The following DIAPH1 variants were observed in gnomAD, a reference collection of about 807,000 sequenced individuals.
DIAPH1 encodes diaphanous related formin 1.
In DIAPH1, 46 loss-of-function variants were observed where a neutral mutation model predicts 140.7. The ratio of observed to expected loss-of-function variants is 0.33; its 90% CI spans 0.26 to 0.42. DIAPH1 has a LOEUF of 0.42. Ranked by LOEUF, DIAPH1 falls within the 10% of genes least tolerant of loss-of-function variation. DIAPH1 has a pLI of 1.00. For synonymous variants in DIAPH1, 565 were observed against 551.6 expected (o/e 1.02, Z -0.34); for missense variants, 1,310 against 1,558.7 (o/e 0.84, Z 2.69).
chr5:141,587,054 A>G lies in DIAPH1; in HGVS notation c.288T>C (p.Phe96=), dbSNP rs754001623. 6.2e-7 allele frequency: 1 copy of G among 1,614,180 alleles called. No homozygotes were observed. The highest frequency in any genetic ancestry group is 2.2e-5 in the East Asian group (1 of 44,880). The change falls in exon 3 of 28, where the codon TTT becomes TTC. Residue 96 remains phenylalanine, a synonymous_variant. Coordinates refer to ENST00000389054, the MANE Select transcript of DIAPH1 (RefSeq NM_005219.5). ...DVSDEQVLVL[F]EQMLLDMNLN... ...ATGGGAAACTTACCAGCATCTGTTC[A>G]AAGAGAACCAGCACTTGTTCATCTG... is the stretch of plus-strand genomic sequence containing the variant.
intron 18 of DIAPH1, among the ~76,000 whole-genome samples, chr5:141,547,724 A>C (rs1225994799): frequency 6.6e-6 from 1 of 152,208 alleles, no homozygotes; most frequent in Admixed American, 6.5e-5. Context: ...GCCCAGAAAG[A>C]GAAGAAAAAT....
chr5:141,574,009 G>C lies in DIAPH1; in HGVS notation c.1841C>G (p.Pro614Arg). ...AGGCAAAGGAGGTGGAGGAGGAGGA[G>C]GAGGAGGAGGAGGAGGAGGAGTGGT... ...DSTTPPPPPP[P>R]PPPPPPLPGG... is the part of the protein sequence containing the mutation. The change falls in exon 16 of 28, where the codon CCT becomes CGT. Residue 614 changes from proline (P) to arginine (R), a missense_variant. Around this residue, in one of 3 missense-constraint regions of DIAPH1, gnomAD observed 589 missense variants for 549.3 expected, o/e 1.07. Transcript: ENST00000389054. 1 of 1,555,024 alleles carries C rather than the reference G, an allele frequency of 6.4e-7. No homozygotes were observed. Among genetic ancestry groups the C allele is most frequent in the South Asian group, 1.2e-5 (1 of 84,242 alleles).
chr5:141,529,303 A>T (rs1287269109), intron 20 of DIAPH1, 30 bp from the exon 21 acceptor site: 13 of 1,572,232 alleles, frequency 8.3e-6, no homozygotes, highest in Admixed American at 6.7e-5. Context: ...TCTCAGCTGG[A>T]GGGGAATTCG....
At chr5:141,519,061 A>T in intron 27 of DIAPH1, 1 of 1,422,768 alleles carries the variant, frequency 7.0e-7, no homozygotes, top group Non-Finnish European at 9.7e-7. Flanking sequence ...CTAGTTACAG[A>T]TCATAGGTAT....
intron 1 of DIAPH1, among the ~76,000 whole-genome samples, chr5:141,596,865 T>C (rs1332652459): frequency 6.6e-6 from 1 of 152,124 alleles, no homozygotes; most frequent in Non-Finnish European, 1.5e-5. Context: ...AAAGCGGGGC[T>C]GGGGGAAGCA....
At chr5:141,519,309 T>TA (rs2099886174) in intron 27 of DIAPH1, among the ~76,000 whole-genome samples, 1 of 152,218 alleles carries the variant, frequency 6.6e-6, no homozygotes, top group African/African-American at 2.4e-5. Context: ...AGAAGGGTAG[T>TA]AGTTTCCTAT....
chr5:141,614,677 G>A (rs2099902373), intron 1 of DIAPH1, among the ~76,000 whole-genome samples: 1 of 152,154 alleles, frequency 6.6e-6, no homozygotes, highest in African/African-American at 2.4e-5. Flanking sequence ...GTAGACTCAT[G>A]ATCTGTCCTT....
chr5:141,528,030 G>T (rs2099887654), intron 23 of DIAPH1, among the ~76,000 whole-genome samples: 2 of 152,184 alleles, frequency 1.3e-5, no homozygotes, highest in African/African-American at 4.8e-5. Flanking sequence ...AGAGAACAGG[G>T]TTTGGGAGGA....
chr5:141,578,955 C>G, intron 9 of DIAPH1, 133 bp downstream of exon 9: 1 of 808,806 alleles, frequency 1.2e-6, no homozygotes, highest in Non-Finnish European at 2.2e-6. Context: ...ATCATTTTCC[C>G]TTCATAACAG....
At chr5:141,609,643 A>C (rs1377845508) in intron 1 of DIAPH1, among the ~76,000 whole-genome samples, 1 of 152,248 alleles carries the variant, frequency 6.6e-6, no homozygotes, top group Non-Finnish European at 1.5e-5. Context: ...TTAAGTATGC[A>C]ACAAACAACT....
intron 27 of DIAPH1, among the ~76,000 whole-genome samples, chr5:141,523,493 G>GA (rs1455241403): frequency 6.6e-6 from 1 of 152,078 alleles, no homozygotes; most frequent in East Asian, 1.9e-4. Context: ...ATTCTTTTTA[G>GA]AATCTCTAGC....
chr5:141,588,110 G>C (rs2099897818), intron 2 of DIAPH1, 114 bp downstream of exon 2: 1 of 865,608 alleles, frequency 1.2e-6, no homozygotes, highest in African/African-American at 1.6e-5. Flanking sequence ...GAGATACTGA[G>C]TAGAAGCCAT....
At chr5:141,590,049 T>C (rs2099898167) in intron 1 of DIAPH1, among the ~76,000 whole-genome samples, 3 of 151,970 alleles carry the variant, frequency 2.0e-5, no homozygotes, top group Admixed American at 2.0e-4. Flanking sequence ...CCGTACCCAG[T>C]TGGTAAATGC....
intron 1 of DIAPH1, among the ~76,000 whole-genome samples, chr5:141,611,363 A>G (rs1431473775): frequency 6.6e-6 from 1 of 152,236 alleles, no homozygotes; most frequent in African/African-American, 2.4e-5. Context: ...CTCCATCAAA[A>G]TTAAGTTTTT....
chr5:141,547,772 A>G (rs758256604), intron 18 of DIAPH1, among the ~76,000 whole-genome samples: 5 of 152,196 alleles, frequency 3.3e-5, no homozygotes, highest in Non-Finnish European at 5.9e-5. Flanking sequence ...ATAGTTGTGT[A>G]TTTTTCAGAA....
Position 141,578,240 on chromosome 5 carries a change from A to G in DIAPH1, c.1148T>C (p.Ile383Thr), listed in dbSNP as rs2099896240. 6.2e-7 allele frequency: 1 copy of G among 1,613,652 alleles called. No homozygotes were observed. The highest frequency in any genetic ancestry group is 1.7e-5 in the Admixed American group (1 of 60,000). ...AAAAGGATATTCCATCTCCATGCGA[A>G]TGTCATCCAGCCGTCCCTTCAGGTC... ...SYDLKGRLDD[I>T]RMEMDDFNEV... is the part of the protein sequence containing the mutation. Residue 383 changes from isoleucine to threonine, a missense_variant, in exon 11 of 28, where the codon ATT becomes ACT. By Grantham distance (89) the Ile-to-Thr change is moderately conservative. Transcript: ENST00000389054.
intron 4 of DIAPH1, 99 bp from the exon 5 acceptor site, chr5:141,583,714 TA>T (rs2099897112): frequency 1.3e-6 from 2 of 1,529,344 alleles, no homozygotes; most frequent in South Asian, 2.3e-5. Flanking sequence ...TTTTATTTTT[TA>T]TTTTTAGCAG....
At chr5:141,522,418 GA>G (rs2099886683) in intron 27 of DIAPH1, among the ~76,000 whole-genome samples, 1 of 151,918 alleles carries the variant, frequency 6.6e-6, no homozygotes, top group South Asian at 2.1e-4. Context: ...TTTCTACTTG[GA>G]AAGAAGTGAA....
intron 18 of DIAPH1, among the ~76,000 whole-genome samples, chr5:141,551,024 CT>C (rs2099891602): frequency 6.6e-6 from 1 of 152,198 alleles, no homozygotes; most frequent in Non-Finnish European, 1.5e-5. Context: ...TGATCCAGGA[CT>C]TTTTTCTATA....
Sources: allele counts gnomAD v4.1 joint callset (sites outside exome capture counted in the v4.1 genomes callset), GRCh38; gene constraint gnomAD v4.1.1; regional missense constraint gnomAD v4.1.1; transcripts MANE v1.5; gene names NCBI Gene and HGNC (gene_info 2026-07-23, HGNC 2026-07-21).